TUSC3: variants seen among roughly 807,000 people sequenced by gnomAD.
The protein encoded by TUSC3 is dolichyl-diphosphooligosaccharide--protein glycosyltransferase subunit TUSC3.
In TUSC3, 45 loss-of-function variants were observed where a neutral mutation model predicts 44.8. The ratio of observed to expected loss-of-function variants is 1.00; its 90% CI spans 0.79 to 1.29. The LOEUF is 1.29. TUSC3 is among the 50% of genes most tolerant of loss of function. TUSC3 has a pLI of 0.00. For missense variants in TUSC3, 519 were observed against 437.9 expected (o/e 1.19, Z -1.65); for synonymous variants, 212 against 152.9 (o/e 1.39, Z -2.85).
chr8:15,453,441 C>G (rs147818842), intron 1 of TUSC3, among the ~76,000 whole-genome samples: 1 of 152,290 alleles, frequency 6.6e-6, no homozygotes, highest in East Asian at 1.9e-4. Flanking sequence ...TTGTCAGCAT[C>G]TTTAAATAAA....
At chr8:15,807,963 CGT>C in the TUSC3 span, among the ~76,000 whole-genome samples, 1 of 146,792 alleles carries the variant, frequency 6.8e-6, no homozygotes, top group African/African-American at 2.5e-5. Flanking sequence ...ACCTTAGCAT[CGT>C]GTGATATAAC....
At chr8:15,560,521 T>G (rs528348217) in intron 1 of TUSC3, among the ~76,000 whole-genome samples, 1 of 150,880 alleles carries the variant, frequency 6.6e-6, no homozygotes, top group East Asian at 1.9e-4. Context: ...TGTGGCATTC[T>G]CTGTGTTTCC....
chr8:15,653,728 GTA>G (rs1408907902), intron 3 of TUSC3, among the ~76,000 whole-genome samples: 1 of 152,182 alleles, frequency 6.6e-6, no homozygotes, highest in Non-Finnish European at 1.5e-5. Flanking sequence ...AAGTGGAGAA[GTA>G]TATGTTTTGC....
rs190356465 is a variant in TUSC3 at position 15,443,702 on chromosome 8, T to G, written n.91+26397T>G. Among the ~76,000 whole-genome samples the G allele has an allele frequency of 3.5e-3, 534 of 152,252 alleles. 2 individuals are homozygous for G. The highest frequency in any genetic ancestry group is 0.012 in the African/African-American group (509 of 41,534). On this transcript the variant is annotated intron_variant and non_coding_transcript_variant, in intron 1 of 5. Coordinates refer to the TUSC3 transcript ENST00000503191. ...GGAGACTAGACTGCCTTTGTAGGAC[T>G]AACAAACTAGCCACAAGATGAGAAA...
At chr8:15,657,828 C>G (rs999918242) in intron 3 of TUSC3, among the ~76,000 whole-genome samples, 9 of 152,160 alleles carry the variant, frequency 5.9e-5, no homozygotes, top group Admixed American at 4.6e-4. Flanking sequence ...ATACCTGAGA[C>G]TGGATAAGTA....
intron 6 of TUSC3, among the ~76,000 whole-genome samples, chr8:15,724,433 T>A (rs923148493): frequency 2.0e-5 from 3 of 152,140 alleles, no homozygotes; most frequent in African/African-American, 7.2e-5. Flanking sequence ...TCTTAAATAG[T>A]TAAGATGAAT....
At chr8:15,440,522 G>C (rs1800007363) in intron 1 of TUSC3, among the ~76,000 whole-genome samples, 1 of 152,208 alleles carries the variant, frequency 6.6e-6, no homozygotes, top group South Asian at 2.1e-4. Flanking sequence ...TGAAGGATGA[G>C]TTGGGAGGGG....
intron 2 of TUSC3, among the ~76,000 whole-genome samples, chr8:15,517,521 GCAAAAAAAAAAAAAAAAAAA>G (rs1563271993): frequency 3.7e-5 from 2 of 54,288 alleles, no homozygotes; most frequent in Non-Finnish European, 3.1e-5. Flanking sequence ...TTAGCGTGAG[GCAAAAAAAAAAAAAAAAAAA>G]AAAAAAAAAA....
chr8:15,764,359 G>A lies in TUSC3; in HGVS notation c.*203G>A, dbSNP rs1050490975. On this transcript the variant is annotated 3_prime_UTR_variant, in exon 11 of 11. Coordinates refer to ENST00000503731, the MANE Select transcript of TUSC3 (RefSeq NM_006765.4). Reference sequence around the variant, plus strand: ...TTTTTTTAAACTGTGGGTTTTCCTAGTAAATTTAATTTACAGAAATCAATG... The same window carrying A: ...TTTTTTTAAACTGTGGGTTTTCCTAATAAATTTAATTTACAGAAATCAATG... 7 of 844,852 alleles carry A rather than the reference G, an allele frequency of 8.3e-6. No homozygotes were observed. Among genetic ancestry groups the A allele is most frequent in the Non-Finnish European group, 1.3e-5 (7 of 544,712 alleles). 52.3% of individuals were successfully genotyped at this position (844,852 alleles called of 1,614,324 possible). A position where few individuals can be genotyped will look rare whatever the true frequency, so the allele number is the denominator to read the frequency against.
chr8:15,783,903 A>C, the TUSC3 span, among the ~76,000 whole-genome samples: 2 of 152,206 alleles, frequency 1.3e-5, no homozygotes, highest in Non-Finnish European at 1.5e-5. Context: ...AAGCAGTGGA[A>C]TGAAGAGAAC....
chr8:15,779,334 C>G, the TUSC3 span, among the ~76,000 whole-genome samples: 1 of 152,054 alleles, frequency 6.6e-6, no homozygotes, highest in Non-Finnish European at 1.5e-5. Flanking sequence ...TCCCATAGTG[C>G]TGATATTACA....
At chr8:15,789,648 A>G in the TUSC3 span, among the ~76,000 whole-genome samples, 1 of 152,222 alleles carries the variant, frequency 6.6e-6, no homozygotes, top group Non-Finnish European at 1.5e-5. Context: ...ATATATATAT[A>G]TAGTCAAACT....
Position 15,439,808 on chromosome 8 carries a change from C to G in TUSC3, n.91+22503C>G, listed in dbSNP as rs149334867. Among the ~76,000 whole-genome samples the G allele has an allele frequency of 2.7e-3, 410 of 152,266 alleles. 2 individuals carry two copies. The East Asian group carries it at 0.046, about 17-fold the overall frequency. On this transcript the variant is annotated intron_variant and non_coding_transcript_variant, in intron 1 of 5. Coordinates refer to the TUSC3 transcript ENST00000503191. ...ATAGTCTTTATTCATTTCTGCCTTG[C>G]ACTAGTCTGTCACCATACAAATCTG...
downstream of TUSC3, among the ~76,000 whole-genome samples, chr8:15,767,020 C>G (rs1159027098): frequency 6.6e-6 from 1 of 152,042 alleles, no homozygotes; most frequent in African/African-American, 2.4e-5. Context: ...AAAACAAGGT[C>G]TTCTTCATAC....
chr8:15,798,015 G>T, the TUSC3 span, among the ~76,000 whole-genome samples: 316 of 152,170 alleles, frequency 2.1e-3, 1 homozygote, highest in African/African-American at 6.8e-3. Flanking sequence ...CTTTCCCTAA[G>T]ATGCTATACT....
chr8:15,810,650 G>T, the TUSC3 span, among the ~76,000 whole-genome samples: 7 of 151,838 alleles, frequency 4.6e-5, no homozygotes, highest in East Asian at 5.8e-4. Context: ...GGCCAAGGAG[G>T]GGGGGCGGGA....
intron 10 of TUSC3, among the ~76,000 whole-genome samples, chr8:15,763,061 G>A (rs1436961405): frequency 6.6e-6 from 1 of 151,704 alleles, no homozygotes; most frequent in East Asian, 1.9e-4. Flanking sequence ...AATTTTTCTA[G>A]TTTGTATTGT....
chr8:15,497,990 C>T (rs1800906518), intron 2 of TUSC3, among the ~76,000 whole-genome samples: 1 of 152,082 alleles, frequency 6.6e-6, no homozygotes, highest in Admixed American at 6.6e-5. Context: ...CTAAAATGAT[C>T]CGCCCCCCTT....
chr8:15,567,964 T>G (rs1802737619), intron 1 of TUSC3, among the ~76,000 whole-genome samples: 1 of 152,152 alleles, frequency 6.6e-6, no homozygotes, highest in Non-Finnish European at 1.5e-5. Context: ...CCTCCACTCC[T>G]TTTTCTCCTC....
Sources: gnomAD v4.1 joint callset for allele counts (sites outside exome capture counted in the v4.1 genomes callset) on GRCh38, gnomAD v4.1.1 for gene constraint, MANE v1.5 for transcripts, NCBI Gene and HGNC (gene_info 2026-07-23, HGNC 2026-07-21) for gene names.